Variants in GDA observed in about 807,000 individuals in gnomAD.
The protein encoded by GDA is cytoplasmic PSD-95 interactor.
GDA carries 18 observed loss-of-function variants against 59.6 expected under a neutral mutation model. That is an observed-to-expected ratio of 0.30 (90% CI 0.21 to 0.45). The LOEUF is 0.45. GDA is among the 20% of genes least tolerant of loss of function. GDA has a pLI of 1.00. For missense variants in GDA, 427 were observed against 552.3 expected (o/e 0.77, Z 2.27); for synonymous variants, 201 against 201.1 (o/e 1.00, Z 0.00).
chr9:72,217,412 A>G (rs1229473621), intron 5 of GDA, among the ~76,000 whole-genome samples: 1 of 152,224 alleles, frequency 6.6e-6, no homozygotes, highest in Non-Finnish European at 1.5e-5. Flanking sequence ...TGTTGAAGCC[A>G]AAACCAAAAA....
rs183404656 is a variant in GDA, at chr9:72,206,565, G to A, written c.384+3823G>A. Among the ~76,000 whole-genome samples, 873 of 152,168 alleles carry A rather than the reference G, an allele frequency of 5.7e-3. 9 individuals carry two copies. Among genetic ancestry groups the A allele is most frequent in the African/African-American group, 0.02 (845 of 41,500 alleles). ...AGGCGGACGGATCACCTGAGGTCAGGAGTTCAAGACCAGCCTGGCCAACAT... is the reference window on the plus strand; with the variant it reads ...AGGCGGACGGATCACCTGAGGTCAGAAGTTCAAGACCAGCCTGGCCAACAT... On this transcript the variant is annotated intron_variant, in intron 3 of 13. Coordinates refer to ENST00000358399, the MANE Select transcript of GDA (RefSeq NM_004293.5).
chr9:72,146,867 G>T (rs977001186), upstream of GDA, among the ~76,000 whole-genome samples: 4 of 152,142 alleles, frequency 2.6e-5, no homozygotes, highest in African/African-American at 9.7e-5. Flanking sequence ...TGGATCCTGG[G>T]CCCAGGTACC....
intron 1 of GDA, among the ~76,000 whole-genome samples, chr9:72,167,998 TACTC>T (rs1449702802): frequency 6.6e-6 from 1 of 152,220 alleles, no homozygotes; most frequent in Non-Finnish European, 1.5e-5. Flanking sequence ...GATTAGGTCT[TACTC>T]ACATCATTCC....
intron 1 of GDA, among the ~76,000 whole-genome samples, chr9:72,137,898 G>T (rs890795066): frequency 1.3e-5 from 2 of 152,182 alleles, no homozygotes; most frequent in Non-Finnish European, 2.9e-5. Context: ...ACAGAGACAG[G>T]TTTATTTTAA....
intron 1 of GDA, among the ~76,000 whole-genome samples, chr9:72,143,704 T>G (rs946374346): frequency 6.6e-6 from 1 of 152,210 alleles, no homozygotes; most frequent in Non-Finnish European, 1.5e-5. Context: ...TAATTGCTAT[T>G]CTAAAAAGAA....
chr9:72,224,695 C>T (rs1300507949), intron 7 of GDA, among the ~76,000 whole-genome samples: 1 of 152,096 alleles, frequency 6.6e-6, no homozygotes, highest in Non-Finnish European at 1.5e-5. Flanking sequence ...AATCCTGCTG[C>T]ATCCGGAGGG....
chr9:72,254,459 C>CA (rs75871655), downstream of GDA, among the ~76,000 whole-genome samples: 4 of 150,756 alleles, frequency 2.7e-5, no homozygotes, highest in African/African-American at 4.9e-5. Context: ...AAAAAAAAAA[C>CA]AAAAAAACAA....
At chr9:72,199,528 C>A (rs1429498779) in intron 2 of GDA, among the ~76,000 whole-genome samples, 1 of 152,154 alleles carries the variant, frequency 6.6e-6, no homozygotes, top group Non-Finnish European at 1.5e-5. Context: ...GACTTGAACT[C>A]TTCTTCATCC....
chr9:72,220,686 G>C (rs115244749), intron 6 of GDA, among the ~76,000 whole-genome samples: 1,780 of 152,170 alleles, frequency 0.012, 42 homozygotes, highest in African/African-American at 0.041. Flanking sequence ...GGGCTGACTG[G>C]TGGCACCTGG....
intron 1 of GDA, among the ~76,000 whole-genome samples, chr9:72,183,158 G>T (rs11143153): frequency 0.15 from 23,098 of 152,004 alleles, 1,819 homozygotes; most frequent in Middle Eastern, 0.19. Flanking sequence ...ATTGCATCTG[G>T]GTTTCATTGT....
intron 11 of GDA, among the ~76,000 whole-genome samples, chr9:72,243,558 A>G (rs964532992): frequency 1.3e-5 from 2 of 152,234 alleles, no homozygotes; most frequent in Non-Finnish European, 2.9e-5. Flanking sequence ...ATTTTCTGTT[A>G]CATTCAGTCC....
chr9:72,230,490 CAA>C lies in GDA; in HGVS notation c.921-613_921-612del, dbSNP rs1253245279. The stretch of plus-strand genomic sequence containing the variant: ...TGGATGACAGAGACAGACTCTGTCT[CAA>C]AAAAAAAAAATATATATATATATAT... On this transcript the variant is annotated intron_variant, in intron 9 of 13. Transcript: ENST00000358399. 3.6e-3 allele frequency among the ~76,000 whole-genome samples: 505 copies of C among 138,378 alleles called. 3 individuals are homozygous for C. Among genetic ancestry groups the C allele is most frequent in the African/African-American group, 0.012 (443 of 37,532 alleles). The allele number at this position is 138,378 out of a possible 152,430, so 90.8% of individuals were successfully genotyped here.
intron 1 of GDA, among the ~76,000 whole-genome samples, chr9:72,155,727 G>A (rs576387523): frequency 6.9e-4 from 105 of 152,300 alleles, no homozygotes; most frequent in African/African-American, 2.4e-3. Flanking sequence ...AGGCAAGGAG[G>A]TCAGATAGGA....
intron 1 of GDA, among the ~76,000 whole-genome samples, chr9:72,138,869 T>A (rs1239975771): frequency 2.6e-5 from 4 of 152,234 alleles, no homozygotes; most frequent in Admixed American, 2.6e-4. Flanking sequence ...CGAGAACTGG[T>A]AACAGCACAT....
intron 1 of GDA, among the ~76,000 whole-genome samples, chr9:72,140,999 A>T (rs916275487): frequency 6.6e-6 from 1 of 152,104 alleles, no homozygotes; most frequent in African/African-American, 2.4e-5. Flanking sequence ...AATCCCAATC[A>T]CATGTTTTTC....
intron 4 of GDA, among the ~76,000 whole-genome samples, chr9:72,211,709 C>A (rs918834592): frequency 6.6e-6 from 1 of 152,188 alleles, no homozygotes; most frequent in African/African-American, 2.4e-5. Context: ...AGAGGACAAA[C>A]TGTCTTCTAG....
intron 2 of GDA, among the ~76,000 whole-genome samples, chr9:72,201,821 A>G (rs968258169): frequency 4.6e-5 from 7 of 152,188 alleles, no homozygotes; most frequent in Admixed American, 3.3e-4. Flanking sequence ...ACTTTCCAGG[A>G]CTTTCTAATT....
chr9:72,247,371 T>G (rs756610450), intron 12 of GDA, 35 bp from the exon 13 acceptor site: 5 of 1,323,108 alleles, frequency 3.8e-6, no homozygotes, highest in Non-Finnish European at 5.5e-6. Flanking sequence ...AATGCACAAA[T>G]GAGTCTTTCT....
chr9:72,124,818 C>G (rs1022295240), intron 1 of GDA, among the ~76,000 whole-genome samples: 5 of 152,140 alleles, frequency 3.3e-5, no homozygotes, highest in Admixed American at 6.5e-5. Context: ...CCATGGTGGT[C>G]AGGCTGGTCT....
Sources: gnomAD v4.1 joint callset for allele counts (sites outside exome capture counted in the v4.1 genomes callset) on GRCh38, gnomAD v4.1.1 for gene constraint, MANE v1.5 for transcripts, NCBI Gene and HGNC (gene_info 2026-07-23, HGNC 2026-07-21) for gene names.